Variants in LMNA observed in about 807,000 individuals in gnomAD.
LMNA encodes lamin A/C.
Under a neutral mutation model 70.4 loss-of-function variants are expected in LMNA, and 20 were observed. The ratio of observed to expected loss-of-function variants is 0.28; its 90% confidence interval spans 0.20 to 0.41. The LOEUF (loss-of-function observed/expected upper bound fraction) is 0.41. Among genes scored for constraint, LMNA ranks in the 10% least tolerant of loss-of-function variants. LMNA has a pLI of 1.00. For missense variants in LMNA, 652 were observed against 917.2 expected (o/e 0.71, Z 3.73); for synonymous variants, 339 against 372.8 (o/e 0.91, Z 1.04).
At chr1:156,116,861 G>GC (rs1295635420) in intron 1 of LMNA, among the ~76,000 whole-genome samples, 2 of 152,096 alleles carry the variant, frequency 1.3e-5, no homozygotes, top group African/African-American at 4.8e-5. Context: ...ACCACGCTGG[G>GC]CCCATCACCC....
At chr1:156,111,095 A>G (rs1214678665), upstream of LMNA, among the ~76,000 whole-genome samples, 1 of 152,100 alleles carries the variant, frequency 6.6e-6, no homozygotes, top group Admixed American at 6.5e-5. Flanking sequence ...CAGAGGAAAC[A>G]CTAGGATGCT....
chr1:156,084,328 C>CGGGGGGGGGGGG (rs60777722), intron 2 of LMNA, among the ~76,000 whole-genome samples: 14 of 91,024 alleles, frequency 1.5e-4, no homozygotes, highest in Middle Eastern at 6.0e-3. Flanking sequence ...CTCAGAAGGT[C>CGGGGGGGGGGGG]GGGGGGTGGT....
intron 1 of LMNA, chr1:156,127,043 C>T (rs757658812): frequency 4.3e-5 from 40 of 923,010 alleles, no homozygotes; most frequent in Non-Finnish European, 5.9e-5. Flanking sequence ...CCCTGCCAAC[C>T]CAGCACGGGG....
chr1:156,126,230 A>G (rs1289432650), intron 1 of LMNA: 2 of 1,518,388 alleles, frequency 1.3e-6, no homozygotes, highest in African/African-American at 2.8e-5. Flanking sequence ...GCTGGTGAGC[A>G]GGGCTGCTGA....
Position 156,115,881 on chromosome 1 carries a change from T to C in LMNA, c.356+607T>C, listed in dbSNP as rs1649792671. Among the ~76,000 whole-genome samples the C allele has an allele frequency of 6.6e-6, 1 of 152,120 alleles. No individual in the cohort carries two copies. Among genetic ancestry groups the C allele is most frequent in the South Asian group, 2.1e-4 (1 of 4,818 alleles). On this transcript the variant is annotated intron_variant, in intron 1 of 11. Transcript: ENST00000368300. The surrounding 1 kb of genome is among the most constrained non-coding windows in gnomAD (Gnocchi z 5.8). ...CCCCTCAGCATGACCTTGTCCTGGG[T>C]TCTAAGGGTTGGGAAGTTCTCCCTC... is the stretch of plus-strand genomic sequence containing the variant.
In LMNA at chr1:156,139,452, T is replaced by A; in HGVS notation, c.*346T>A. On this transcript the variant is annotated 3_prime_UTR_variant, in exon 12 of 12. Transcript: ENST00000368300. ...GGGAAAGGGGTGCTTTTATAGAGGC[T>A]AGCTTCTGCTTTTCTGCCCTGGCTG... 7.5e-7 allele frequency: 1 copy of A among 1,338,486 alleles called. No individual in the cohort carries two copies. The highest frequency in any genetic ancestry group is 1.7e-5 in the South Asian group (1 of 59,952). 82.9% of individuals were successfully genotyped at this position (1,338,486 alleles called of 1,614,324 possible).
At chr1:156,112,764 C>T (rs1649587459), upstream of LMNA, among the ~76,000 whole-genome samples, 2 of 152,208 alleles carry the variant, frequency 1.3e-5, no homozygotes, top group Admixed American at 1.3e-4. Flanking sequence ...AAGTTCCTGC[C>T]TTAATCCCAC....
At chr1:156,094,756 G>A (rs1648852416) in intron 3 of LMNA, among the ~76,000 whole-genome samples, 1 of 151,306 alleles carries the variant, frequency 6.6e-6, no homozygotes, top group Non-Finnish European at 1.5e-5. Flanking sequence ...TTAGCACTTA[G>A]CTCCTAGTGC....
upstream of LMNA, among the ~76,000 whole-genome samples, chr1:156,114,079 T>C (rs1228628183): frequency 2.0e-5 from 3 of 152,050 alleles, no homozygotes; most frequent in African/African-American, 7.3e-5. Context: ...CCCCCCAAAC[T>C]CCTTGATCCC....
Position 156,137,269 on chromosome 1 carries a change from G to C in LMNA, c.1608+37G>C, listed in dbSNP as rs529449483. On this transcript the variant is annotated intron_variant, in intron 9 of 11. Coordinates refer to ENST00000368300, the MANE Select transcript of LMNA (RefSeq NM_170707.4). This position sits in a 1 kb window ranked among gnomAD's most constrained non-coding sequence, Gnocchi z 4.6. ...TGGGCCTGGCTGCTTGCTGGACGAG[G>C]CTCCCCCTGATGGCCAACATCGGAG... 8 of 1,543,842 alleles carry C rather than the reference G, an allele frequency of 5.2e-6. No individual in the cohort carries two copies. In the East Asian group the frequency reaches 1.4e-4, roughly 28 times the overall value.
In LMNA at chr1:156,135,158, C is replaced by G. The variant is rs1651441030; in HGVS notation, c.811-29C>G. On this transcript the variant is annotated intron_variant, in intron 4 of 11. Transcript: ENST00000368300. The surrounding 1 kb of genome is among the most constrained non-coding windows in gnomAD (Gnocchi z 4.8). ...GTGCCTCCACCCCTCCCAGTCACCACAGTCCTAACCCTTTGTCCTCCCCTC... is the reference window on the plus strand; with the variant it reads ...GTGCCTCCACCCCTCCCAGTCACCAGAGTCCTAACCCTTTGTCCTCCCCTC... The G allele has an allele frequency of 6.2e-7, 1 of 1,614,006 alleles. No individual in the cohort carries two copies. Among genetic ancestry groups the G allele is most frequent in the Non-Finnish European group, 8.5e-7 (1 of 1,180,012 alleles).
In LMNA at chr1:156,114,981, G is replaced by C; in HGVS notation, c.63G>C (p.Leu21=). 1.3e-6 allele frequency: 2 copies of C among 1,595,694 alleles called. No individual in the cohort carries two copies. The highest frequency in any genetic ancestry group is 1.7e-6 in the Non-Finnish European group (2 of 1,171,608). Residue 21 remains leucine, a synonymous_variant, in exon 1 of 12, where the codon CTG becomes CTC. Coordinates refer to ENST00000368300, the MANE Select transcript of LMNA (RefSeq NM_170707.4). The stretch of plus-strand genomic sequence containing the variant: ...GGGCGCAGGCCAGCTCCACTCCGCT[G>C]TCGCCCACCCGCATCACCCGGCTGC... ...RSGAQASSTP[L]SPTRITRLQE... is the part of the protein sequence containing the mutation.
Position 156,137,061 on chromosome 1 carries a change from G to A in LMNA, c.1488+33G>A, listed in dbSNP as rs886038742. 6.2e-7 allele frequency: 1 copy of A among 1,614,168 alleles called. No homozygotes were observed. The highest frequency in any genetic ancestry group is 2.2e-5 in the East Asian group (1 of 44,884). On this transcript the variant is annotated intron_variant, in intron 8 of 11. Transcript: ENST00000368300. The surrounding 1 kb of genome is among the most constrained non-coding windows in gnomAD (Gnocchi z 4.6). ...GCAGGGCGCTTGGGACTCTGGGGAG[G>A]CCTTGGGTGGCGATGGGAGCGCTGG...
At chr1:156,099,867 C>CAA (rs57524097) in intron 3 of LMNA, among the ~76,000 whole-genome samples, 2 of 100,230 alleles carry the variant, frequency 2.0e-5, no homozygotes, top group Non-Finnish European at 2.2e-5. Flanking sequence ...GCCTGGGTGA[C>CAA]AAAAAAAAAA....
rs1651815773 is a variant in LMNA at position 156,137,972 on chromosome 1, G to A, written c.1698+229G>A. 1.2e-6 allele frequency: 1 copy of A among 835,214 alleles called. No homozygotes were observed. Among genetic ancestry groups the A allele is most frequent in the Non-Finnish European group, 1.8e-6 (1 of 551,864 alleles). The allele number at this position is 835,214 out of a possible 1,614,324, so 51.7% of individuals were successfully genotyped here. On this transcript the variant is annotated intron_variant, in intron 10 of 11. Transcript: ENST00000368300. This position sits in a 1 kb window ranked among gnomAD's most constrained non-coding sequence, Gnocchi z 4.6. ...AGGAAGGGAGTGGGAACTTTCTGAT[G>A]CCATGGAATATTCCTGTGGGAGCAG...
chr1:156,082,705 G>A (rs1270170822), intron 1 of LMNA: 2 of 152,302 alleles, frequency 1.3e-5, no homozygotes, highest in Non-Finnish European at 2.9e-5. Flanking sequence ...AGAAGGGGTA[G>A]TATGCGGAAA....
chr1:156,090,069 G>A (rs541819520), intron 2 of LMNA, among the ~76,000 whole-genome samples: 1 of 152,330 alleles, frequency 6.6e-6, no homozygotes, highest in South Asian at 2.1e-4. Flanking sequence ...GGGGGAGGCA[G>A]TAAACATGTC....
In LMNA at chr1:156,137,944, G is replaced by A; in HGVS notation, c.1698+201G>A. On this transcript the variant is annotated intron_variant, in intron 10 of 11. Transcript: ENST00000368300. The surrounding 1 kb of genome is among the most constrained non-coding windows in gnomAD (Gnocchi z 4.6). ...CCAGGTGTCTGGGTGCCCTACTCTGGTAAGGAAGGGAGTGGGAACTTTCTG... is the reference window on the plus strand; with the variant it reads ...CCAGGTGTCTGGGTGCCCTACTCTGATAAGGAAGGGAGTGGGAACTTTCTG... 8.8e-7 allele frequency: 1 copy of A among 1,132,618 alleles called. No individual in the cohort carries two copies. 70.2% of individuals were successfully genotyped at this position (1,132,618 alleles called of 1,614,324 possible).
intron 3 of LMNA, among the ~76,000 whole-genome samples, chr1:156,100,912 G>C (rs927277161): frequency 1.3e-5 from 2 of 152,124 alleles, no homozygotes; most frequent in Non-Finnish European, 2.9e-5. Context: ...GTGGCGAGTG[G>C]GGACATTTAA....
Sources: allele counts gnomAD v4.1 joint callset (sites outside exome capture counted in the v4.1 genomes callset), GRCh38; gene constraint gnomAD v4.1.1; non-coding constraint Gnocchi (gnomAD v3.1); transcripts MANE v1.5; gene names NCBI Gene and HGNC (gene_info 2026-07-23, HGNC 2026-07-21).